The following NAV2 variants were observed in gnomAD, a reference collection of about 807,000 sequenced individuals.
NAV2 encodes helicase, APC down-regulated 1.
Under a neutral mutation model 223.2 loss-of-function variants are expected in NAV2, and 54 were observed. That is an observed-to-expected ratio of 0.24 (90% confidence interval 0.19 to 0.30). The LOEUF (loss-of-function observed/expected upper bound fraction) is 0.30, where lower values mean the gene tolerates loss of function less well. Among genes scored for constraint, NAV2 ranks in the 10% least tolerant of loss-of-function variants. The probability of loss-of-function intolerance (pLI) is 1.00; values close to 1 mark genes in which losing one functional copy is unlikely to be tolerated. For synonymous variants in NAV2, 1,279 were observed against 1,239.3 expected, an observed-to-expected ratio of 1.03 and a Z score of -0.67; for missense variants, 2,806 against 3,147.5, an observed-to-expected ratio of 0.89 and a Z score of 2.60.
At chr11:19,354,654 A>C (rs1268986628) in intron 1 of NAV2, among the ~76,000 whole-genome samples, 1 of 152,248 alleles carries the variant, frequency 6.6e-6, no homozygotes, top group Non-Finnish European at 1.5e-5. Flanking sequence ...CAAATCAATG[A>C]AGATGAATTT....
intron 1 of NAV2, among the ~76,000 whole-genome samples, chr11:19,423,760 T>C (rs1199473064): frequency 1.3e-5 from 2 of 152,234 alleles, no homozygotes; most frequent in African/African-American, 4.8e-5. Flanking sequence ...TTGATCTGAC[T>C]GTCAGGAGTT....
chr11:19,714,015 C>A lies in NAV2; in HGVS notation c.267+53C>A, dbSNP rs2050065397. ...GTTCTGGAAGGATGGATGAATAGTT[C>A]TTTCGGGATGGTGTGGGAGAAAGGG... On this transcript the variant is annotated intron_variant, in intron 1 of 37. Transcript: ENST00000349880. 2.5e-6 allele frequency: 4 copies of A among 1,594,884 alleles called. No homozygotes were observed. The South Asian group carries it at 3.4e-5, about 14-fold the overall frequency.
rs1409500469 is a variant in NAV2 at position 19,766,714 on chromosome 11, G to A, written c.267+52752G>A. Among the ~76,000 whole-genome samples the A allele has an allele frequency of 5.3e-5, 8 of 152,258 alleles. No homozygotes were observed. In the South Asian group the frequency reaches 1.5e-3, roughly 28 times the overall value. On this transcript the variant is annotated intron_variant, in intron 1 of 37. Coordinates refer to ENST00000349880, the MANE Select transcript of NAV2 (RefSeq NM_145117.5). ...TCCAGATGTGAAGCCTCCTACTCCT[G>A]GGATCTCCTTCTATAGGCCACTTGG...
At chr11:19,629,326 C>A (rs1231312024) in intron 1 of NAV2, among the ~76,000 whole-genome samples, 2 of 152,026 alleles carry the variant, frequency 1.3e-5, no homozygotes, top group African/African-American at 2.4e-5. Context: ...GGCTCAGGGA[C>A]CAAAGGGGCC....
chr11:19,459,245 G>A (rs1255692572), intron 1 of NAV2, among the ~76,000 whole-genome samples: 2 of 152,194 alleles, frequency 1.3e-5, no homozygotes, highest in Non-Finnish European at 2.9e-5. Context: ...AGGTCCAGGG[G>A]CAACACACTA....
intron 14 of NAV2, among the ~76,000 whole-genome samples, chr11:20,047,871 A>G (rs995650142): frequency 1.3e-5 from 2 of 152,206 alleles, no homozygotes; most frequent in South Asian, 4.1e-4. Flanking sequence ...GGTTTCAGTG[A>G]GTGTAATAGA....
intron 11 of NAV2, among the ~76,000 whole-genome samples, chr11:20,025,526 G>A (rs2054962955): frequency 6.6e-6 from 1 of 152,152 alleles, no homozygotes; most frequent in Non-Finnish European, 1.5e-5. Context: ...GAGGGTCTAA[G>A]GCATCCGGAG....
intron 1 of NAV2, among the ~76,000 whole-genome samples, chr11:19,641,354 C>T (rs2047658340): frequency 6.6e-6 from 1 of 152,102 alleles, no homozygotes; most frequent in African/African-American, 2.4e-5. Flanking sequence ...ATCCATATCC[C>T]TCCCCCTCCA....
At chr11:19,443,098 C>A (rs1221952926) in intron 1 of NAV2, among the ~76,000 whole-genome samples, 2 of 152,212 alleles carry the variant, frequency 1.3e-5, no homozygotes, top group African/African-American at 4.8e-5. Context: ...TCTTGGGCAT[C>A]ATATTCCTCA....
intron 1 of NAV2, among the ~76,000 whole-genome samples, chr11:19,689,387 G>T (rs1453256906): frequency 6.6e-6 from 1 of 152,230 alleles, no homozygotes; most frequent in African/African-American, 2.4e-5. Context: ...GGGAGGAAAA[G>T]TTGGGGAAGA....
intron 1 of NAV2, among the ~76,000 whole-genome samples, chr11:19,826,157 G>C (rs910554090): frequency 6.6e-6 from 1 of 152,170 alleles, no homozygotes; most frequent in African/African-American, 2.4e-5. Context: ...TTGGGGATGG[G>C]ATGGTGGTTT....
intron 1 of NAV2, among the ~76,000 whole-genome samples, chr11:19,768,795 A>G (rs2055454130): frequency 6.6e-6 from 1 of 152,210 alleles, no homozygotes; most frequent in Non-Finnish European, 1.5e-5. Context: ...CCTCCATTGT[A>G]CTGTAAAATG....
intron 6 of NAV2, among the ~76,000 whole-genome samples, chr11:19,922,518 A>T (rs1209911340): frequency 1.3e-5 from 2 of 152,204 alleles, no homozygotes; most frequent in Non-Finnish European, 2.9e-5. Flanking sequence ...TATCTATTAC[A>T]GTCACCTGGG....
intron 1 of NAV2, among the ~76,000 whole-genome samples, chr11:19,436,245 T>C (rs1459281094): frequency 6.6e-6 from 1 of 152,216 alleles, no homozygotes; most frequent in African/African-American, 2.4e-5. Flanking sequence ...TTGACTTGAT[T>C]CTTATATATG....
At chr11:19,482,973 T>A (rs2702717) in intron 1 of NAV2, among the ~76,000 whole-genome samples, 73,422 of 152,012 alleles carry the variant, frequency 0.48, 18,284 homozygotes, top group Admixed American at 0.56. Flanking sequence ...TCCCACCATG[T>A]CTCTCTTGGC....
At chr11:19,609,645 A>G (rs74411932) in intron 1 of NAV2, among the ~76,000 whole-genome samples, 1,943 of 152,294 alleles carry the variant, frequency 0.013, 47 homozygotes, top group East Asian at 0.067. Context: ...TGTGTACCCC[A>G]AGGGCTAAGC....
At position 19,951,087 on chromosome 11, in the gene NAV2, A is replaced by G. The variant is rs144203938; in HGVS notation, c.2645+2007A>G. Among the ~76,000 whole-genome samples the G allele has an allele frequency of 2.0e-5, 3 of 152,186 alleles. No homozygotes were observed. In the East Asian group the frequency reaches 5.8e-4, roughly 29 times the overall value. On this transcript the variant is annotated intron_variant, in intron 10 of 37. Coordinates refer to ENST00000349880, the MANE Select transcript of NAV2 (RefSeq NM_145117.5). ...CTTCACACAGAAAGGAAGAGGGAAA[A>G]TTAGAATAATGTTTGGAGGTTTTAT...
At chr11:20,067,549 C>G (rs2059126930) in intron 20 of NAV2, among the ~76,000 whole-genome samples, 2 of 152,002 alleles carry the variant, frequency 1.3e-5, no homozygotes, top group South Asian at 4.2e-4. Context: ...GTGATCTCAG[C>G]TCACTGCAAT....
chr11:19,528,678 T>A (rs1251074108), intron 1 of NAV2, among the ~76,000 whole-genome samples: 4 of 152,114 alleles, frequency 2.6e-5, no homozygotes, highest in Non-Finnish European at 4.4e-5. Flanking sequence ...ATGCCTGTAA[T>A]CCCAGCGCTT....
Sources: allele counts gnomAD v4.1 joint callset (sites outside exome capture counted in the v4.1 genomes callset), GRCh38; gene constraint gnomAD v4.1.1; transcripts MANE v1.5; gene names NCBI Gene and HGNC (gene_info 2026-07-23, HGNC 2026-07-21).